Variants in TECPR2 observed in about 807,000 individuals in gnomAD.
The protein encoded by TECPR2 is tectonin beta-propeller repeat containing 2.
Under a neutral mutation model 138.1 loss-of-function variants are expected in TECPR2, and 65 were observed. The ratio of observed to expected loss-of-function variants is 0.47; its 90% CI spans 0.39 to 0.58. TECPR2 has a LOEUF of 0.58. Among genes scored for constraint, TECPR2 ranks in the 20% least tolerant of loss-of-function variants. The pLI is 0.00. For synonymous variants in TECPR2, 746 were observed against 749.8 expected (o/e 0.99, Z 0.08); for missense variants, 1,553 against 1,824.5 (o/e 0.85, Z 2.71).
At chr14:102,483,041 T>C (rs963780262) in intron 17 of TECPR2, among the ~76,000 whole-genome samples, 2 of 150,900 alleles carry the variant, frequency 1.3e-5, no homozygotes, top group African/African-American at 4.9e-5. Flanking sequence ...TTAGTAGAGA[T>C]GGGGTTTCAC....
At chr14:102,497,159 C>A (rs202232712) in intron 18 of TECPR2, 39 bp downstream of exon 18, 7 of 1,594,102 alleles carry the variant, frequency 4.4e-6, no homozygotes, top group Non-Finnish European at 6.0e-6. Context: ...GCCGGCCAGC[C>A]GGGGCTACCA....
chr14:102,491,140 C>A (rs897316758), intron 17 of TECPR2, among the ~76,000 whole-genome samples: 2 of 152,030 alleles, frequency 1.3e-5, no homozygotes, highest in Non-Finnish European at 2.9e-5. Context: ...ATGATCCACC[C>A]GCCTGGGCCT....
chr14:102,474,987 T>C (rs1890726929), intron 17 of TECPR2, among the ~76,000 whole-genome samples: 1 of 152,160 alleles, frequency 6.6e-6, no homozygotes, highest in Non-Finnish European at 1.5e-5. Flanking sequence ...GTGCCGGGCC[T>C]CCTCAGCCCC....
In TECPR2 at chr14:102,434,934, C is replaced by A; in HGVS notation, c.2117C>A (p.Thr706Lys). 6.2e-7 allele frequency: 1 copy of A among 1,613,942 alleles called. No homozygotes were observed. The highest frequency in any genetic ancestry group is 8.5e-7 in the Non-Finnish European group (1 of 1,180,040). The part of the protein sequence containing the change: ...NLWHAVTDDD[T>K]GQKEIPISER... ...TGGCATGCTGTCACTGATGATGACA[C>A]AGGTCAGAAAGAAATACCCATTTCT... Residue 706 changes from threonine to lysine, a missense_variant, in exon 9 of 20, where the codon ACA becomes AAA. Transcript: ENST00000359520.
chr14:102,427,891 A>G (rs1163044118), intron 6 of TECPR2, among the ~76,000 whole-genome samples: 13 of 152,208 alleles, frequency 8.5e-5, no homozygotes, highest in Non-Finnish European at 1.9e-4. Flanking sequence ...TTCCCCAGCA[A>G]ACATGGATAG....
chr14:102,489,598 G>A (rs926102072), intron 17 of TECPR2, among the ~76,000 whole-genome samples: 7 of 151,856 alleles, frequency 4.6e-5, no homozygotes, highest in Admixed American at 6.6e-5. Flanking sequence ...CCAGCTACTC[G>A]GGAGGCTGAG....
At chr14:102,448,328 C>T (rs1890043383) in intron 13 of TECPR2, among the ~76,000 whole-genome samples, 1 of 152,146 alleles carries the variant, frequency 6.6e-6, no homozygotes, top group Non-Finnish European at 1.5e-5. Flanking sequence ...TGTGAGTGAA[C>T]ATCATGGAGA....
In TECPR2 at chr14:102,374,762, C is replaced by T. The variant is rs542496797; in HGVS notation, c.-72-1888C>T. On this transcript the variant is annotated intron_variant, in intron 1 of 19. Coordinates refer to ENST00000359520, the MANE Select transcript of TECPR2 (RefSeq NM_014844.5). The stretch of plus-strand genomic sequence containing the variant: ...CCCAGGCTGGTTGTGAACTCCTGGT[C>T]TCAAGCAGTTCTCCCACCTTGGCCT... Among the ~76,000 whole-genome samples, 30 of 152,244 alleles carry T rather than the reference C, an allele frequency of 2.0e-4. 1 individual carries two copies. Among genetic ancestry groups the T allele is most frequent in the Middle Eastern group, 3.4e-3 (1 of 294 alleles).
At chr14:102,459,581 C>T (rs1352150902) in intron 16 of TECPR2, among the ~76,000 whole-genome samples, 3 of 152,116 alleles carry the variant, frequency 2.0e-5, no homozygotes, top group Non-Finnish European at 4.4e-5. Context: ...ACTATCCTGG[C>T]CAACATGGTG....
chr14:102,421,700 T>C (rs1047213880), intron 5 of TECPR2, among the ~76,000 whole-genome samples: 6 of 152,176 alleles, frequency 3.9e-5, no homozygotes, highest in African/African-American at 1.4e-4. Flanking sequence ...TATGGGGACT[T>C]AGTGTCACAA....
chr14:102,460,213 T>G (rs551763122), intron 16 of TECPR2, among the ~76,000 whole-genome samples: 2 of 152,096 alleles, frequency 1.3e-5, no homozygotes, highest in East Asian at 3.9e-4. Context: ...GAGGCTCCAG[T>G]GAGCCAAGAT....
chr14:102,425,088 A>C lies in TECPR2; in HGVS notation c.748A>C (p.Thr250Pro). Residue 250 changes from threonine to proline, a missense_variant, in exon 6 of 20, where the codon ACT becomes CCT. Thr to Pro is a conservative substitution (Grantham distance 38). Coordinates refer to ENST00000359520, the MANE Select transcript of TECPR2 (RefSeq NM_014844.5). ...GCTATGGAAGGCTGATGTCCACGGGACTGTTCAAGCCACGTTTATCTTAAA... is the reference window on the plus strand; with the variant it reads ...GCTATGGAAGGCTGATGTCCACGGGCCTGTTCAAGCCACGTTTATCTTAAA... ...LRLWKADVHG[T>P]VQATFILKDA... The C allele has an allele frequency of 6.2e-7, 1 of 1,614,086 alleles. No homozygotes were observed.
At position 102,500,293 on chromosome 14, in the gene TECPR2, C is replaced by A. The variant is rs1891408986; in HGVS notation, c.*2036C>A. The A allele has an allele frequency of 6.6e-6, 1 of 152,402 alleles. No individual in the cohort carries two copies. The highest frequency in any genetic ancestry group is 1.5e-5 in the Non-Finnish European group (1 of 68,088). The allele number at this position is 152,402 out of a possible 1,614,324, so 9.4% of individuals were successfully genotyped here. A position where few individuals can be genotyped will look rare whatever the true frequency, so the allele number is the denominator to read the frequency against. ...ACCACAGGGAGAGTGCGTCAGCAGA[C>A]CTGTCCTGGCCTGGCTGGTGTTGAA... On this transcript the variant is annotated 3_prime_UTR_variant, in exon 20 of 20. Coordinates refer to ENST00000359520, the MANE Select transcript of TECPR2 (RefSeq NM_014844.5).
chr14:102,388,825 A>T (rs747401005), intron 2 of TECPR2, among the ~76,000 whole-genome samples: 2 of 151,858 alleles, frequency 1.3e-5, no homozygotes, highest in Non-Finnish European at 2.9e-5. Context: ...GCCGGGTGAG[A>T]TGGCAGGCAC....
At chr14:102,434,099 A>T in intron 8 of TECPR2, 136 bp from the exon 9 acceptor site, 2 of 736,054 alleles carry the variant, frequency 2.7e-6, no homozygotes, top group Non-Finnish European at 3.8e-6. Flanking sequence ...ATTTGTACTT[A>T]AGAGGTTTAT....
intron 15 of TECPR2, 32 bp downstream of exon 15, chr14:102,450,681 A>G: frequency 6.2e-7 from 1 of 1,606,742 alleles, no homozygotes; most frequent in Non-Finnish European, 8.5e-7. Flanking sequence ...TGAAGAATCT[A>G]GAGCACAGCT....
chr14:102,368,613 T>G (rs968588290), intron 1 of TECPR2, among the ~76,000 whole-genome samples: 31 of 142,938 alleles, frequency 2.2e-4, no homozygotes, highest in Admixed American at 5.6e-4. Context: ...ATTTTGTGGG[T>G]TTTTTTTTTT....
At position 102,443,153 on chromosome 14, in the gene TECPR2, A is replaced by T. The variant is rs1185591102; in HGVS notation, c.2753-494A>T. 6.6e-6 allele frequency among the ~76,000 whole-genome samples: 1 copy of T among 152,212 alleles called. No homozygotes were observed. Among genetic ancestry groups the T allele is most frequent in the Non-Finnish European group, 1.5e-5 (1 of 68,028 alleles). On this transcript the variant is annotated intron_variant, in intron 11 of 19. Transcript: ENST00000359520. The surrounding 1 kb of genome is among the most constrained non-coding windows in gnomAD (Gnocchi z 4.9). ...AGCGCTGCAGCCCTCTGCCTGGAAGAGCTGCTCTGCCCTGCAGCCTTTGGG... is the reference window on the plus strand; with the variant it reads ...AGCGCTGCAGCCCTCTGCCTGGAAGTGCTGCTCTGCCCTGCAGCCTTTGGG...
rs1050053614 is a variant in TECPR2 at position 102,420,084 on chromosome 14, G to A, written c.639-4895G>A. On this transcript the variant is annotated intron_variant, in intron 5 of 19. Transcript: ENST00000359520. The surrounding 1 kb of genome is among the most constrained non-coding windows in gnomAD (Gnocchi z 4.1). ...ATTTTGGGTGCTGTCAGCTTTCAGCGTATCAGCTCTGTGGCACCATACATT... is the reference window on the plus strand; with the variant it reads ...ATTTTGGGTGCTGTCAGCTTTCAGCATATCAGCTCTGTGGCACCATACATT... Among the ~76,000 whole-genome samples, 1 of 152,142 alleles carries A rather than the reference G, an allele frequency of 6.6e-6. No individual in the cohort carries two copies. The highest frequency in any genetic ancestry group is 2.4e-5 in the African/African-American group (1 of 41,418).
Sources: gnomAD v4.1 joint callset for allele counts (sites outside exome capture counted in the v4.1 genomes callset) on GRCh38, gnomAD v4.1.1 for gene constraint, Gnocchi (gnomAD v3.1) non-coding constraint, MANE v1.5 for transcripts, NCBI Gene and HGNC (gene_info 2026-07-23, HGNC 2026-07-21) for gene names.